Variants in ZNF536 observed in about 807,000 individuals in gnomAD.
ZNF536 encodes zinc finger protein 536.
A neutral mutation model predicts 84.5 loss-of-function variants in ZNF536; 13 were observed. The ratio of observed to expected loss-of-function variants is 0.15; its 90% CI spans 0.10 to 0.24. ZNF536 has a LOEUF of 0.24. ZNF536 is among the 10% of genes least tolerant of loss of function. The pLI, the probability that ZNF536 is intolerant of heterozygous loss-of-function variation, is 1.00. For synonymous variants in ZNF536, 811 were observed against 742.5 expected (o/e 1.09, Z -1.50); for missense variants, 1,536 against 1,747.5 (o/e 0.88, Z 2.16).
chr19:30,505,099 A>G (rs1469885382), intron 2 of ZNF536, among the ~76,000 whole-genome samples: 1 of 151,936 alleles, frequency 6.6e-6, no homozygotes, highest in Non-Finnish European at 1.5e-5. Flanking sequence ...AGCTGTTTAT[A>G]TTTATACAAA....
At chr19:30,647,615 C>T (rs1250646416) in intron 1 of ZNF536, among the ~76,000 whole-genome samples, 3 of 152,198 alleles carry the variant, frequency 2.0e-5, no homozygotes, top group Admixed American at 2.0e-4. Context: ...TTTTCATTTT[C>T]TCTAGAAGTT....
intron 1 of ZNF536, among the ~76,000 whole-genome samples, chr19:30,564,472 C>G: frequency 6.6e-6 from 1 of 152,078 alleles, no homozygotes; most frequent in Admixed American, 6.5e-5. Flanking sequence ...GAACCTTTTC[C>G]GAAGCCTCCT....
chr19:30,657,365 C>T (rs1187503475), intron 1 of ZNF536, among the ~76,000 whole-genome samples: 1 of 152,188 alleles, frequency 6.6e-6, no homozygotes, highest in African/African-American at 2.4e-5. Flanking sequence ...CCACAGGCAA[C>T]GAGGCTTCAG....
intron 1 of ZNF536, among the ~76,000 whole-genome samples, chr19:30,686,524 G>A (rs1347090319): frequency 1.3e-5 from 2 of 152,212 alleles, no homozygotes; most frequent in South Asian, 2.1e-4. Flanking sequence ...CCCTGGCACC[G>A]TGGCACCGTG....
intron 1 of ZNF536, among the ~76,000 whole-genome samples, chr19:30,382,373 C>A (rs1021622591): frequency 1.1e-4 from 16 of 152,098 alleles, no homozygotes; most frequent in Non-Finnish European, 2.2e-4. Flanking sequence ...TGCTTTTTCT[C>A]CAAGACATTT....
chr19:30,444,871 G>A lies in ZNF536; in HGVS notation c.1309G>A (p.Gly437Ser), dbSNP rs543410703. 1.5e-5 allele frequency: 25 copies of A among 1,613,174 alleles called. No homozygotes were observed. In the East Asian group the frequency reaches 4.7e-4, roughly 30 times the overall value. The part of the protein sequence containing the change: ...YSRYLSCLQS[G>S]FMTPDKAGLS... ...CAGGTACCTCTCCTGCCTGCAGAGTGGCTTCATGACCCCGGACAAAGCCGG... is the reference window on the plus strand; with the variant it reads ...CAGGTACCTCTCCTGCCTGCAGAGTAGCTTCATGACCCCGGACAAAGCCGG... The change falls in exon 2 of 5, where the codon GGC (glycine) becomes AGC (serine). Residue 437 changes from glycine (G) to serine (S), a missense_variant. Gly to Ser is a moderately conservative substitution (Grantham distance 56). Coordinates refer to ENST00000355537, the MANE Select transcript of ZNF536 (RefSeq NM_014717.3).
At chr19:30,434,958 GTGATGATACTGGTGA>G (rs2051653196) in intron 1 of ZNF536, among the ~76,000 whole-genome samples, 2 of 150,380 alleles carry the variant, frequency 1.3e-5, no homozygotes, top group African/African-American at 4.9e-5. Context: ...AATGATGATG[GTGATGATACTGGTGA>G]TGATGATCGT....
intron 2 of ZNF536, among the ~76,000 whole-genome samples, chr19:30,339,124 G>A (rs761533487): frequency 6.6e-6 from 1 of 152,190 alleles, no homozygotes; most frequent in Non-Finnish European, 1.5e-5. Context: ...CCTCCTTTGG[G>A]TGACAGCTGT....
At chr19:30,380,240 A>G (rs1162452581) in intron 1 of ZNF536, among the ~76,000 whole-genome samples, 1 of 152,162 alleles carries the variant, frequency 6.6e-6, no homozygotes. Flanking sequence ...ACATGGCCCA[A>G]TTAGACAATT....
intron 1 of ZNF536, among the ~76,000 whole-genome samples, chr19:30,569,634 G>A (rs142869805): frequency 0.019 from 2,438 of 127,544 alleles, 70 homozygotes; most frequent in African/African-American, 0.069. Context: ...GCAGTGGCAT[G>A]ATCTCCACTC....
At chr19:30,446,373 C>T (rs906909417) in intron 2 of ZNF536, among the ~76,000 whole-genome samples, 2 of 151,792 alleles carry the variant, frequency 1.3e-5, no homozygotes, top group Admixed American at 1.3e-4. Context: ...AATTGTCCAA[C>T]CCCATTTCAC....
intron 1 of ZNF536, among the ~76,000 whole-genome samples, chr19:30,245,571 T>G (rs2024211062): frequency 6.6e-6 from 1 of 152,246 alleles, no homozygotes; most frequent in Non-Finnish European, 1.5e-5. Flanking sequence ...GACGCATCCT[T>G]TGTTCCATTG....
intron 1 of ZNF536, among the ~76,000 whole-genome samples, chr19:30,402,796 A>AAAATATATATATATAT (rs1555744992): frequency 1.2e-5 from 1 of 85,598 alleles, no homozygotes; most frequent in African/African-American, 3.8e-5. Context: ...AAAATTAAAA[A>AAAATATATATATATAT]ATATATATAT....
chr19:30,272,860 A>G (rs1568294206), intron 1 of ZNF536, among the ~76,000 whole-genome samples: 1 of 152,222 alleles, frequency 6.6e-6, no homozygotes, highest in Admixed American at 6.5e-5. Flanking sequence ...TATGTGATTC[A>G]TAATAACATT....
chr19:30,245,994 C>T (rs2024245840), intron 1 of ZNF536, among the ~76,000 whole-genome samples: 1 of 152,146 alleles, frequency 6.6e-6, no homozygotes, highest in African/African-American at 2.4e-5. Context: ...GCTCTGTGTT[C>T]TTGTCTTTGG....
intron 2 of ZNF536, among the ~76,000 whole-genome samples, chr19:30,304,334 A>G (rs1386232019): frequency 2.0e-5 from 3 of 152,118 alleles, no homozygotes; most frequent in African/African-American, 4.8e-5. Flanking sequence ...CTCACACACA[A>G]TCTGATGGAT....
intron 1 of ZNF536, among the ~76,000 whole-genome samples, chr19:30,248,998 A>C (rs1469829321): frequency 6.6e-6 from 1 of 152,224 alleles, no homozygotes; most frequent in African/African-American, 2.4e-5. Context: ...TTGGTTGTGC[A>C]TAATTAATGC....
rs1469814417 is a variant in ZNF536 at position 30,341,724 on chromosome 19, C to T, written c.-119-10644C>T. Among the ~76,000 whole-genome samples the T allele has an allele frequency of 1.1e-4, 17 of 151,852 alleles. No homozygotes were observed. The East Asian group carries it at 2.3e-3, about 21-fold the overall frequency. On this transcript the variant is annotated intron_variant, in intron 2 of 5. Coordinates refer to the ZNF536 transcript ENST00000585628. ...TGGAACTCTTTTTTTTTTTAACTGC[C>T]CCAAAATGGCATTAATCAAAAACAA...
At chr19:30,409,413 C>T (rs999600398) in intron 1 of ZNF536, among the ~76,000 whole-genome samples, 4 of 152,130 alleles carry the variant, frequency 2.6e-5, no homozygotes, top group Admixed American at 1.3e-4. Flanking sequence ...CCTTGGGAGG[C>T]GCCCTGTCTA....
Sources: allele counts gnomAD v4.1 joint callset (sites outside exome capture counted in the v4.1 genomes callset), GRCh38; gene constraint gnomAD v4.1.1; transcripts MANE v1.5; gene names NCBI Gene and HGNC (gene_info 2026-07-23, HGNC 2026-07-21).